Variants in NLGN4X observed in about 807,000 individuals in gnomAD.
The protein encoded by NLGN4X is neuroligin-4, X-linked.
A neutral mutation model predicts 40.3 loss-of-function variants in NLGN4X; 3 were observed. The ratio of observed to expected loss-of-function variants is 0.07; its 90% CI spans 0.03 to 0.19. The LOEUF is 0.19. Among genes scored for constraint, NLGN4X ranks in the 10% least tolerant of loss-of-function variants. NLGN4X has a pLI of 1.00. For synonymous variants in NLGN4X, 270 were observed against 306.8 expected (o/e 0.88, Z 1.25); for missense variants, 382 against 708.3 (o/e 0.54, Z 5.23).
chrX:6,140,878 T>C (rs1054862750), intron 2 of NLGN4X, among the ~76,000 whole-genome samples: 1 of 110,487 alleles, frequency 9.1e-6, no homozygotes, highest in Admixed American at 9.7e-5. Context: ...ACTTTCTAAT[T>C]TGTGGAAATC....
chrX:6,088,635 C>T (rs1302866499), intron 2 of NLGN4X, among the ~76,000 whole-genome samples: 1 of 111,343 alleles, frequency 9.0e-6, no homozygotes, highest in African/African-American at 3.3e-5. Context: ...TATCAATGAC[C>T]CTTAGGGATT....
At chrX:6,040,476 TTA>T (rs202175369) in intron 2 of NLGN4X, among the ~76,000 whole-genome samples, 11 of 69,756 alleles carry the variant, frequency 1.6e-4, no homozygotes, top group South Asian at 6.0e-4. Context: ...TCTGCTTTTT[TTA>T]AAAAAAAAGG....
At chrX:6,078,547 T>C (rs1039991058) in intron 2 of NLGN4X, among the ~76,000 whole-genome samples, 5 of 111,389 alleles carry the variant, frequency 4.5e-5, no homozygotes, top group Non-Finnish European at 9.4e-5. Flanking sequence ...ACAGGGTGGT[T>C]TCCATGACTA....
At position 5,987,732 on chromosome X, in the gene NLGN4X, T is replaced by C. The variant is rs759912744; in HGVS notation, c.625+41548A>G. On this transcript the variant is annotated intron_variant, in intron 3 of 5. Transcript: ENST00000381095. ...ATCACCAGAGAGTGATTCATGCTAATGAGAAAAACATGCTGCAGAATTTCT... is the reference window on the plus strand; with the variant it reads ...ATCACCAGAGAGTGATTCATGCTAACGAGAAAAACATGCTGCAGAATTTCT... Among the ~76,000 whole-genome samples the C allele has an allele frequency of 3.4e-4, 38 of 112,071 alleles. 1 individual carries two copies. Among genetic ancestry groups the C allele is most frequent in the Non-Finnish European group, 1.9e-5 (1 of 53,248 alleles).
At chrX:6,220,106 A>T (rs577898014) in intron 1 of NLGN4X, among the ~76,000 whole-genome samples, 6 of 111,055 alleles carry the variant, frequency 5.4e-5, no homozygotes, top group Admixed American at 2.9e-4. Context: ...CAGATATTTC[A>T]GCATTTTTAA....
chrX:5,986,942 T>G (rs943951837), intron 3 of NLGN4X, among the ~76,000 whole-genome samples: 1 of 112,137 alleles, frequency 8.9e-6, no homozygotes, highest in Non-Finnish European at 1.9e-5. Context: ...AACTATACAG[T>G]TGAAGATTTG....
intron 3 of NLGN4X, among the ~76,000 whole-genome samples, chrX:5,950,415 C>T (rs1246415364): frequency 8.9e-6 from 1 of 112,063 alleles, no homozygotes. Flanking sequence ...TCTTCGGGCA[C>T]TCTTGAATGC....
At chrX:6,068,387 T>A (rs1416611697) in intron 2 of NLGN4X, among the ~76,000 whole-genome samples, 1 of 109,988 alleles carries the variant, frequency 9.1e-6, no homozygotes, top group African/African-American at 3.3e-5. Context: ...AGGGAGAGGG[T>A]GCAAGATGTG....
At chrX:5,910,146 C>T (rs2032410923) in intron 3 of NLGN4X, among the ~76,000 whole-genome samples, 1 of 111,309 alleles carries the variant, frequency 9.0e-6, no homozygotes, top group African/African-American at 3.3e-5. Flanking sequence ...GGAAAAACTG[C>T]TTTCTTCTGA....
intron 3 of NLGN4X, among the ~76,000 whole-genome samples, chrX:5,925,126 T>G (rs2033222802): frequency 8.9e-6 from 1 of 111,992 alleles, no homozygotes; most frequent in African/African-American, 3.2e-5. Flanking sequence ...GCCCATCTCA[T>G]AAGCTTGGTG....
intron 1 of NLGN4X, among the ~76,000 whole-genome samples, chrX:6,211,524 G>T (rs1000138242): frequency 8.9e-6 from 1 of 111,850 alleles, no homozygotes; most frequent in Non-Finnish European, 1.9e-5. Flanking sequence ...AAATGGTATA[G>T]ATAGAGATAT....
intron 1 of NLGN4X, among the ~76,000 whole-genome samples, chrX:6,198,247 T>C (rs1355648810): frequency 9.0e-6 from 1 of 111,431 alleles, no homozygotes; most frequent in East Asian, 2.8e-4. Context: ...AGTTCATCAT[T>C]ACAACTAAAG....
chrX:6,130,742 C>A (rs974316952), intron 2 of NLGN4X, among the ~76,000 whole-genome samples: 19 of 112,406 alleles, frequency 1.7e-4, no homozygotes, highest in African/African-American at 5.8e-4. Flanking sequence ...TCAATTAGGC[C>A]TTATTCTTTG....
intron 3 of NLGN4X, among the ~76,000 whole-genome samples, chrX:5,998,793 T>C (rs1308457034): frequency 8.9e-6 from 1 of 112,797 alleles, no homozygotes; most frequent in African/African-American, 3.2e-5. Context: ...ACAAATTAAA[T>C]ACAAAATATA....
intron 2 of NLGN4X, among the ~76,000 whole-genome samples, chrX:6,071,530 G>A (rs1288681556): frequency 1.8e-5 from 2 of 111,852 alleles, no homozygotes; most frequent in Non-Finnish European, 3.8e-5. Context: ...AGTCAGCCAA[G>A]TTACATCTCT....
intron 1 of NLGN4X, among the ~76,000 whole-genome samples, chrX:6,160,459 C>T (rs1377547954): frequency 9.0e-6 from 1 of 111,089 alleles, no homozygotes; most frequent in African/African-American, 3.3e-5. Flanking sequence ...TTCTTCTTTC[C>T]CCTCATATAT....
intron 3 of NLGN4X, among the ~76,000 whole-genome samples, chrX:6,006,313 A>C (rs1213104516): frequency 9.0e-6 from 1 of 111,202 alleles, no homozygotes; most frequent in Non-Finnish European, 1.9e-5. Flanking sequence ...CACAGTGGGA[A>C]GGAAAAAGTG....
chrX:5,976,063 G>A (rs1378708816), intron 3 of NLGN4X, among the ~76,000 whole-genome samples: 4 of 111,939 alleles, frequency 3.6e-5, no homozygotes, highest in East Asian at 5.6e-4. Context: ...GCAAAAGAAA[G>A]GACTGGCAGT....
At position 5,898,399 on chromosome X, in the gene NLGN4X, T is replaced by A. The variant is rs192379731; in HGVS notation, c.1601+4678A>T. The stretch of plus-strand genomic sequence containing the variant: ...TCCTTCCTTTTCTCCGCCATGCACA[T>A]CCCAACATCATTTTTCTGTGCTCAT... On this transcript the variant is annotated intron_variant, in intron 5 of 5. Coordinates refer to ENST00000381095, the MANE Select transcript of NLGN4X (RefSeq NM_181332.3). Among the ~76,000 whole-genome samples, 4 of 104,905 alleles carry A rather than the reference T, an allele frequency of 3.8e-5. No individual in the cohort carries two copies. The Admixed American group carries it at 4.2e-4, about 11-fold the overall frequency. The allele number at this position is 104,905 out of a possible 115,157, so 91.1% of individuals were successfully genotyped here. A position where few individuals can be genotyped will look rare whatever the true frequency, so the allele number is the denominator to read the frequency against.
Sources: allele counts gnomAD v4.1 joint callset (sites outside exome capture counted in the v4.1 genomes callset), GRCh38; gene constraint gnomAD v4.1.1; transcripts MANE v1.5; gene names NCBI Gene and HGNC (gene_info 2026-07-23, HGNC 2026-07-21).